FTCDNL1: variants seen among roughly 807,000 people sequenced by gnomAD.
FTCDNL1 encodes the protein formiminotransferase N-terminal subdomain-containing protein.
Under a neutral mutation model 5.9 loss-of-function variants are expected in FTCDNL1, and 11 were observed. The observed-to-expected ratio is 1.87, with a 90% CI of 1.18 to 3.10. The LOEUF is 3.10. Ranked by LOEUF, FTCDNL1 falls within the 30% of genes most tolerant of loss-of-function variation. The pLI is 0.00. For missense variants in FTCDNL1, 115 were observed against 65.5 expected, an observed-to-expected ratio of 1.76 and a Z score of -2.61; for synonymous variants, 58 against 24.8, an observed-to-expected ratio of 2.34 and a Z score of -3.99.
At chr2:199,797,431 A>G (rs2106386713) in intron 3 of FTCDNL1, among the ~76,000 whole-genome samples, 1 of 152,330 alleles carries the variant, frequency 6.6e-6, no homozygotes, top group East Asian at 1.9e-4. Context: ...CCAAAATGCT[A>G]TTTTAAAATC....
intron 3 of FTCDNL1, among the ~76,000 whole-genome samples, chr2:199,763,151 C>A (rs938036557): frequency 6.6e-6 from 1 of 152,194 alleles, no homozygotes; most frequent in Non-Finnish European, 1.5e-5. Context: ...TAAGTCACTA[C>A]AATTATAGAG....
chr2:199,734,119 A>G, the FTCDNL1 span, among the ~76,000 whole-genome samples: 1 of 152,320 alleles, frequency 6.6e-6, no homozygotes, highest in Admixed American at 6.5e-5. Context: ...GGTAAGATCT[A>G]GAGGGTGTTT....
intron 3 of FTCDNL1, among the ~76,000 whole-genome samples, chr2:199,837,721 A>G (rs1418141720): frequency 6.6e-6 from 1 of 152,192 alleles, no homozygotes; most frequent in Non-Finnish European, 1.5e-5. Context: ...AATGTTTTAT[A>G]TATTTTTTTA....
chr2:199,728,262 T>C, the FTCDNL1 span, among the ~76,000 whole-genome samples: 1 of 152,150 alleles, frequency 6.6e-6, no homozygotes, highest in Non-Finnish European at 1.5e-5. Context: ...TTTTTTTTTT[T>C]TTTGAGACGG....
At chr2:199,831,379 T>G (rs560454802) in intron 3 of FTCDNL1, among the ~76,000 whole-genome samples, 1 of 152,306 alleles carries the variant, frequency 6.6e-6, no homozygotes, top group East Asian at 1.9e-4. Flanking sequence ...TCAAGAATGT[T>G]CATCATTTCA....
At chr2:199,765,556 A>ATATATATATATATATTTTTTTTTTTTTTT in intron 3 of FTCDNL1, among the ~76,000 whole-genome samples, 1 of 42,666 alleles carries the variant, frequency 2.3e-5, no homozygotes, top group Non-Finnish European at 4.8e-5. Context: ...ATATATATAT[A>ATATATATATATATATTTTTTTTTTTTTTT]TTTTTTTTTT....
At chr2:199,769,939 T>C (rs1313705241) in intron 3 of FTCDNL1, among the ~76,000 whole-genome samples, 1 of 152,182 alleles carries the variant, frequency 6.6e-6, no homozygotes, top group Non-Finnish European at 1.5e-5. Flanking sequence ...CTTTTTTTTT[T>C]TAACCTACCC....
the FTCDNL1 span, among the ~76,000 whole-genome samples, chr2:199,726,400 T>A: frequency 6.6e-6 from 1 of 152,200 alleles, no homozygotes; most frequent in Non-Finnish European, 1.5e-5. Context: ...AATTCATCCA[T>A]CTCAGCCTCA....
chr2:199,677,291 C>T, the FTCDNL1 span, among the ~76,000 whole-genome samples: 2 of 152,156 alleles, frequency 1.3e-5, no homozygotes, highest in Non-Finnish European at 2.9e-5. Context: ...CTAGGCAGAC[C>T]CCTGCCACAC....
the FTCDNL1 span, among the ~76,000 whole-genome samples, chr2:199,725,801 T>G: frequency 2.6e-5 from 4 of 152,202 alleles, no homozygotes; most frequent in Non-Finnish European, 5.9e-5. Context: ...GGCCTTTCTC[T>G]CTGTCTGCTC....
chr2:199,683,715 A>G, the FTCDNL1 span, among the ~76,000 whole-genome samples: 1 of 152,138 alleles, frequency 6.6e-6, no homozygotes, highest in Non-Finnish European at 1.5e-5. Flanking sequence ...TTACGAACTC[A>G]TAAGATAATA....
At chr2:199,722,709 T>A in the FTCDNL1 span, among the ~76,000 whole-genome samples, 1 of 152,206 alleles carries the variant, frequency 6.6e-6, no homozygotes, top group African/African-American at 2.4e-5. Flanking sequence ...TAAATTACTT[T>A]GGGGAGTATG....
At chr2:199,700,827 C>T in the FTCDNL1 span, among the ~76,000 whole-genome samples, 4 of 152,098 alleles carry the variant, frequency 2.6e-5, no homozygotes, top group Admixed American at 2.0e-4. Context: ...GGATAACTGG[C>T]TAGCCAAATG....
chr2:199,692,146 G>A, the FTCDNL1 span, among the ~76,000 whole-genome samples: 4 of 151,988 alleles, frequency 2.6e-5, no homozygotes, highest in African/African-American at 9.7e-5. Flanking sequence ...AGGTCAGACC[G>A]GCTTCATTCT....
intron 3 of FTCDNL1, among the ~76,000 whole-genome samples, chr2:199,845,152 A>G (rs1274609927): frequency 1.3e-5 from 2 of 152,176 alleles, no homozygotes; most frequent in Non-Finnish European, 2.9e-5. Flanking sequence ...AGCTAAATGC[A>G]TATTATAGAC....
In FTCDNL1 at chr2:199,812,554, C is replaced by T; in HGVS notation, c.*151G>A. 1 of 449,364 alleles carries T rather than the reference C, an allele frequency of 2.2e-6. No individual in the cohort carries two copies. Among genetic ancestry groups the T allele is most frequent in the African/African-American group, 2.0e-5 (1 of 49,672 alleles). The allele number at this position is 449,364 out of a possible 1,614,324, so 27.8% of individuals were successfully genotyped here. On this transcript the variant is annotated 3_prime_UTR_variant, in exon 5 of 5. Coordinates refer to ENST00000420128, the MANE Select transcript of FTCDNL1 (RefSeq NM_001363886.2). ...AATTAAAGTAATTCCACTTTTTGCT[C>T]TAAAATTAGAAACCTGATGTGAAAG...
chr2:199,665,056 A>G, the FTCDNL1 span, among the ~76,000 whole-genome samples: 1 of 152,240 alleles, frequency 6.6e-6, no homozygotes, highest in Non-Finnish European at 1.5e-5. Flanking sequence ...ACAGGAAAAC[A>G]CGCTGATTAT....
At chr2:199,739,254 A>G in the FTCDNL1 span, among the ~76,000 whole-genome samples, 3 of 152,132 alleles carry the variant, frequency 2.0e-5, no homozygotes, top group African/African-American at 4.8e-5. Context: ...GCCACTGGAG[A>G]GGAGATAGCC....
chr2:199,795,565 A>C (rs1288419733), intron 3 of FTCDNL1, among the ~76,000 whole-genome samples: 1 of 152,182 alleles, frequency 6.6e-6, no homozygotes, highest in African/African-American at 2.4e-5. Context: ...AAGGGCAGGG[A>C]CTTCGTCTTA....
Sources: gnomAD v4.1 joint callset for allele counts (sites outside exome capture counted in the v4.1 genomes callset) on GRCh38, gnomAD v4.1.1 for gene constraint, MANE v1.5 for transcripts, NCBI Gene and HGNC (gene_info 2026-07-23, HGNC 2026-07-21) for gene names.